The following CFAP53 variants were observed in gnomAD, a reference collection of about 807,000 sequenced individuals.
CFAP53 encodes the protein cilia and flagella associated protein 53, also known as cilia- and flagella-associated protein 53.
In CFAP53, 62 loss-of-function variants were observed where a neutral mutation model predicts 59.7. That is an observed-to-expected ratio of 1.04 (90% CI 0.85 to 1.28). The LOEUF (loss-of-function observed/expected upper bound fraction) is 1.28, where lower values mean the gene tolerates loss of function less well. Ranked by LOEUF, CFAP53 falls within the 50% of genes most tolerant of loss-of-function variation. The pLI, the probability that CFAP53 is intolerant of heterozygous loss-of-function variation, is 0.00. For synonymous variants in CFAP53, 218 were observed against 205.7 expected (o/e 1.06, Z -0.51); for missense variants, 629 against 615.6 (o/e 1.02, Z -0.23).
chr18:50,236,349 C>T (rs2033633476), intron 7 of CFAP53, among the ~76,000 whole-genome samples: 1 of 152,154 alleles, frequency 6.6e-6, no homozygotes, highest in Admixed American at 6.5e-5. Flanking sequence ...TCTTTTACCC[C>T]CATGCCACCA....
intron 3 of CFAP53, among the ~76,000 whole-genome samples, chr18:50,260,321 A>G (rs573130118): frequency 3.6e-4 from 55 of 152,280 alleles, no homozygotes; most frequent in Non-Finnish European, 7.1e-4. Flanking sequence ...CCAGGTGATC[A>G]GACCCCAGTG....
intron 6 of CFAP53, among the ~76,000 whole-genome samples, chr18:50,240,526 C>T (rs1272593542): frequency 2.0e-5 from 3 of 152,278 alleles, no homozygotes; most frequent in East Asian, 3.9e-4. Flanking sequence ...AACTTCTTCC[C>T]CTCCCTTGCC....
intron 3 of CFAP53, 148 bp from the exon 4 acceptor site, chr18:50,251,932 G>C (rs1407389124): frequency 4.2e-6 from 3 of 714,380 alleles, no homozygotes; most frequent in Non-Finnish European, 7.0e-6. Flanking sequence ...AGAGGGAGCA[G>C]CAGGGAGGGC....
In CFAP53 at chr18:50,250,978, T is replaced by A. The variant is rs778118886; in HGVS notation, c.778-2A>T. 2.5e-6 allele frequency: 4 copies of A among 1,611,744 alleles called. No individual in the cohort carries two copies. The highest frequency in any genetic ancestry group is 2.2e-5 in the East Asian group (1 of 44,876). ...TTTAATCTGTGCGTTGTTACTTTCCTAAGGTAGAATCATAATAAAGATAAT... is the reference window on the plus strand; with the variant it reads ...TTTAATCTGTGCGTTGTTACTTTCCAAAGGTAGAATCATAATAAAGATAAT... On this transcript the variant is annotated splice_acceptor_variant, in intron 4 of 7. Coordinates refer to ENST00000398545, the MANE Select transcript of CFAP53 (RefSeq NM_145020.5). LOFTEE classifies it high-confidence loss of function.
intron 5 of CFAP53, among the ~76,000 whole-genome samples, chr18:50,245,691 T>C (rs553783736): frequency 6.6e-6 from 1 of 152,342 alleles, no homozygotes; most frequent in African/African-American, 2.4e-5. Flanking sequence ...CTTCCCAAAC[T>C]GACCTACAGG....
chr18:50,230,591 G>A (rs983100274), intron 7 of CFAP53, among the ~76,000 whole-genome samples: 1 of 152,182 alleles, frequency 6.6e-6, no homozygotes. Flanking sequence ...TTGAACCTGA[G>A]GAGGAGGTCG....
chr18:50,262,923 G>T (rs1212245054), intron 1 of CFAP53, among the ~76,000 whole-genome samples: 1 of 152,102 alleles, frequency 6.6e-6, no homozygotes, highest in Non-Finnish European at 1.5e-5. Context: ...CAAAGAGTGT[G>T]TTCCTGACCT....
intron 5 of CFAP53, among the ~76,000 whole-genome samples, chr18:50,249,058 C>T (rs971098768): frequency 2.6e-5 from 4 of 151,528 alleles, no homozygotes; most frequent in Non-Finnish European, 5.9e-5. Flanking sequence ...CAAAAATTAG[C>T]CAGACGCAGT....
chr18:50,227,699 G>T, intron 7 of CFAP53, 90 bp from the exon 8 acceptor site: 1 of 1,041,528 alleles, frequency 9.6e-7, no homozygotes, highest in Non-Finnish European at 1.4e-6. Flanking sequence ...AATTTGTAAA[G>T]TCAAATTAAA....
intron 7 of CFAP53, among the ~76,000 whole-genome samples, chr18:50,236,369 T>G (rs73962518): frequency 6.6e-6 from 1 of 152,230 alleles, no homozygotes; most frequent in Non-Finnish European, 1.5e-5. Flanking sequence ...AGCCTAGTTA[T>G]GCGCTTCAGC....
At chr18:50,232,595 A>G (rs970120161) in intron 7 of CFAP53, among the ~76,000 whole-genome samples, 13 of 152,202 alleles carry the variant, frequency 8.5e-5, no homozygotes. Context: ...AGCCACTGGA[A>G]AAAAGACTGC....
intron 7 of CFAP53, among the ~76,000 whole-genome samples, chr18:50,233,744 C>T (rs2033604503): frequency 6.6e-6 from 1 of 152,248 alleles, no homozygotes; most frequent in Non-Finnish European, 1.5e-5. Context: ...ACACACAGCA[C>T]TAACTTCTGG....
intron 6 of CFAP53, among the ~76,000 whole-genome samples, chr18:50,241,280 A>G (rs1176162486): frequency 6.6e-6 from 1 of 152,208 alleles, no homozygotes; most frequent in African/African-American, 2.4e-5. Flanking sequence ...GATTCTCCAA[A>G]CTTTGAGTAT....
chr18:50,233,553 T>G (rs1355454250), intron 7 of CFAP53, among the ~76,000 whole-genome samples: 1 of 152,244 alleles, frequency 6.6e-6, no homozygotes, highest in African/African-American at 2.4e-5. Flanking sequence ...AGGTACTAGG[T>G]GTTTGGTTAA....
rs372600058 is a variant in CFAP53, at chr18:50,251,779, C to G, written c.479G>C (p.Arg160Pro). 1.2e-6 allele frequency: 2 copies of G among 1,611,518 alleles called. No individual in the cohort carries two copies. Among genetic ancestry groups the G allele is most frequent in the Admixed American group, 1.7e-5 (1 of 59,664 alleles). Residue 160 changes from arginine (R) to proline (P), a missense_variant, in exon 4 of 8, where the codon CGC (arginine) becomes CCC (proline). Transcript: ENST00000398545. Reference protein sequence around the residue: ...AEKLDQQFRERCEELRVELLS... With the variant: ...AEKLDQQFREPCEELRVELLS... ...CAATTCAACACGGAGCTCCTCACAG[C>G]GTTCCCTGAAAGGAAAATTTTAAAA...
At chr18:50,246,864 G>A (rs905083873) in intron 5 of CFAP53, among the ~76,000 whole-genome samples, 2 of 151,892 alleles carry the variant, frequency 1.3e-5, no homozygotes, top group African/African-American at 4.8e-5. Context: ...TGGCCAACAT[G>A]GTGAAACCCC....
Position 50,243,122 on chromosome 18 carries a change from T to A in CFAP53, c.997-6A>T. The A allele has an allele frequency of 6.3e-7, 1 of 1,599,382 alleles. No homozygotes were observed. The highest frequency in any genetic ancestry group is 8.5e-7 in the Non-Finnish European group (1 of 1,169,802). ...TGTTCTCTTATCATATCTTCCTATGTAACATAAAAATTCATATTGTTAAAA... is the reference window on the plus strand; with the variant it reads ...TGTTCTCTTATCATATCTTCCTATGAAACATAAAAATTCATATTGTTAAAA... On this transcript the variant is annotated splice_region_variant and splice_polypyrimidine_tract_variant and intron_variant, in intron 5 of 7. Coordinates refer to ENST00000398545, the MANE Select transcript of CFAP53 (RefSeq NM_145020.5).
chr18:50,243,191 C>A (rs554042489), intron 5 of CFAP53, 75 bp from the exon 6 acceptor site: 3 of 913,260 alleles, frequency 3.3e-6, no homozygotes, highest in East Asian at 2.4e-5. Context: ...TAAAAAAAAT[C>A]TTTAAAAGCT....
rs766960984 is a variant in CFAP53 at position 50,227,412 on chromosome 18, C to T, written c.1514G>A (p.Arg505His). 1.4e-5 allele frequency: 23 copies of T among 1,613,954 alleles called. No individual in the cohort carries two copies. Among genetic ancestry groups the T allele is most frequent in the South Asian group, 2.2e-5 (2 of 91,078 alleles). ...QVLPQNIHPM[R>H]KACPSKLPP ...TGGAAGCTTACTGGGGCATGCCTTG[C>T]GCATGGGATGAATGTTTTGAGGCAG... The change falls in exon 8 of 8, where the codon CGC becomes CAC. Residue 505 changes from arginine to histidine, a missense_variant. Arg to His is a conservative substitution (Grantham distance 29). Transcript: ENST00000398545.
Sources: gnomAD v4.1 joint callset for allele counts (sites outside exome capture counted in the v4.1 genomes callset) on GRCh38, gnomAD v4.1.1 for gene constraint, MANE v1.5 for transcripts, NCBI Gene and HGNC (gene_info 2026-07-23, HGNC 2026-07-21) for gene names.